Variants in FHIT observed in about 807,000 individuals in gnomAD.
FHIT encodes the protein bis(5'-adenosyl)-triphosphatase.
In FHIT, 19 loss-of-function variants were observed where a neutral mutation model predicts 17.9. The observed-to-expected ratio is 1.06, with a 90% CI of 0.74 to 1.56. The LOEUF is 1.56. Among genes scored for constraint, FHIT ranks in the 40% most tolerant of loss-of-function variants. FHIT has a pLI of 0.00. For missense variants in FHIT, 248 were observed against 189.2 expected, an observed-to-expected ratio of 1.31 and a Z score of -1.82; for synonymous variants, 81 against 69.7, an observed-to-expected ratio of 1.16 and a Z score of -0.81.
At chr3:61,028,456 C>T (rs1455408111) in intron 3 of FHIT, among the ~76,000 whole-genome samples, 1 of 152,142 alleles carries the variant, frequency 6.6e-6, no homozygotes, top group East Asian at 1.9e-4. Flanking sequence ...TGGCACCAGT[C>T]TCACCTGCCT....
chr3:60,180,061 A>G (rs750521214), intron 5 of FHIT, among the ~76,000 whole-genome samples: 10 of 152,154 alleles, frequency 6.6e-5, no homozygotes, highest in Non-Finnish European at 1.3e-4. Context: ...AGCTGTAACC[A>G]CACAAACTGG....
At chr3:60,094,781 G>A (rs981797122) in intron 5 of FHIT, among the ~76,000 whole-genome samples, 2 of 150,762 alleles carry the variant, frequency 1.3e-5, no homozygotes, top group Admixed American at 6.6e-5. Flanking sequence ...GGAGGGAAGG[G>A]AAGGGAACAC....
chr3:61,163,204 A>G (rs1012324560), intron 2 of FHIT, among the ~76,000 whole-genome samples: 2 of 152,174 alleles, frequency 1.3e-5, no homozygotes, highest in African/African-American at 4.8e-5. Context: ...GGGCACAATT[A>G]TAGCCTCCAT....
chr3:60,395,314 A>G (rs1170171437), intron 5 of FHIT, among the ~76,000 whole-genome samples: 2 of 152,152 alleles, frequency 1.3e-5, no homozygotes, highest in Non-Finnish European at 2.9e-5. Context: ...TTTTATATGG[A>G]CTGTCTCATT....
At chr3:60,505,144 T>C (rs534771242) in intron 5 of FHIT, among the ~76,000 whole-genome samples, 1 of 152,330 alleles carries the variant, frequency 6.6e-6, no homozygotes, top group East Asian at 1.9e-4. Context: ...CAGAAATCTA[T>C]CTGAAACCCA....
At chr3:60,154,893 G>C (rs1233156826) in intron 5 of FHIT, among the ~76,000 whole-genome samples, 1 of 152,138 alleles carries the variant, frequency 6.6e-6, no homozygotes, top group Non-Finnish European at 1.5e-5. Context: ...CCAGCACCAA[G>C]TTAGGTTGTT....
At chr3:60,759,986 T>G (rs1559700458) in intron 4 of FHIT, among the ~76,000 whole-genome samples, 1 of 152,048 alleles carries the variant, frequency 6.6e-6, no homozygotes, top group Non-Finnish European at 1.5e-5. Flanking sequence ...TTCTTTTCTT[T>G]CTTCCTTCCT....
chr3:60,444,205 A>G (rs2031149474), intron 5 of FHIT, among the ~76,000 whole-genome samples: 1 of 152,156 alleles, frequency 6.6e-6, no homozygotes, highest in African/African-American at 2.4e-5. Context: ...CAGGTGCTGG[A>G]GAGGATGTGG....
chr3:61,167,718 A>G (rs1170961353), intron 2 of FHIT, among the ~76,000 whole-genome samples: 1 of 152,014 alleles, frequency 6.6e-6, no homozygotes, highest in Non-Finnish European at 1.5e-5. Flanking sequence ...GGAAAGGAAA[A>G]GAAAAGAAAA....
At chr3:60,146,000 A>T (rs904120536) in intron 5 of FHIT, among the ~76,000 whole-genome samples, 2 of 152,172 alleles carry the variant, frequency 1.3e-5, no homozygotes, top group African/African-American at 4.8e-5. Context: ...CAGCTTTGTC[A>T]TCAAAAGCTG....
chr3:61,243,800 G>C (rs1426738063), intron 1 of FHIT, among the ~76,000 whole-genome samples: 1 of 152,090 alleles, frequency 6.6e-6, no homozygotes, highest in African/African-American at 2.4e-5. Context: ...AAAACCCTTA[G>C]ACAAGCACAG....
At chr3:60,203,825 G>A (rs890198615) in intron 5 of FHIT, among the ~76,000 whole-genome samples, 6 of 152,006 alleles carry the variant, frequency 3.9e-5, no homozygotes, top group African/African-American at 1.2e-4. Flanking sequence ...AAAAAAATGG[G>A]GGCAAAGACA....
At chr3:60,608,836 A>T (rs1048345539) in intron 4 of FHIT, among the ~76,000 whole-genome samples, 1 of 152,216 alleles carries the variant, frequency 6.6e-6, no homozygotes, top group Non-Finnish European at 1.5e-5. Flanking sequence ...ACTATCTTGA[A>T]TTAGTCTGTA....
chr3:60,449,361 T>C (rs1184906040), intron 5 of FHIT, among the ~76,000 whole-genome samples: 2 of 152,120 alleles, frequency 1.3e-5, no homozygotes, highest in Admixed American at 1.3e-4. Flanking sequence ...ATGATGATGA[T>C]GTTCTTATAA....
At chr3:59,888,103 A>C (rs1264209827) in intron 8 of FHIT, among the ~76,000 whole-genome samples, 1 of 152,156 alleles carries the variant, frequency 6.6e-6, no homozygotes, top group Non-Finnish European at 1.5e-5. Flanking sequence ...GATTTCAAGG[A>C]TTCTGTTGCC....
intron 7 of FHIT, among the ~76,000 whole-genome samples, chr3:59,949,236 C>T (rs944750641): frequency 7.9e-5 from 12 of 152,342 alleles, no homozygotes; most frequent in East Asian, 1.9e-4. Context: ...CCTTCAACTA[C>T]GAGTGATCTC....
intron 1 of FHIT, among the ~76,000 whole-genome samples, chr3:61,234,191 G>T (rs6445198): frequency 0.54 from 82,206 of 151,834 alleles, 24,397 homozygotes; most frequent in African/African-American, 0.79. Context: ...GTGAGGATTC[G>T]AGATCCATAG....
rs141351172 is a variant in FHIT at position 60,294,636 on chromosome 3, C to T, written c.103+242224G>A. ...CCCCACCATACAGAACATTACCATT[C>T]GCACAAAGGTCCCTCATGTTGCCCC... is the stretch of plus-strand genomic sequence containing the variant. On this transcript the variant is annotated intron_variant, in intron 5 of 9. Transcript: ENST00000492590. Among the ~76,000 whole-genome samples, 214 of 152,250 alleles carry T rather than the reference C, an allele frequency of 1.4e-3. 1 individual carries two copies. Among genetic ancestry groups the T allele is most frequent in the African/African-American group, 3.3e-3 (137 of 41,550 alleles).
chr3:60,569,748 T>TACAC (rs1559547702), intron 4 of FHIT, among the ~76,000 whole-genome samples: 34 of 72,756 alleles, frequency 4.7e-4, no homozygotes, highest in South Asian at 3.5e-3. Context: ...TATATATATA[T>TACAC]ATATATATTT....
Sources: gnomAD v4.1 joint callset for allele counts (sites outside exome capture counted in the v4.1 genomes callset) on GRCh38, gnomAD v4.1.1 for gene constraint, MANE v1.5 for transcripts, NCBI Gene and HGNC (gene_info 2026-07-23, HGNC 2026-07-21) for gene names.